The following SDK1 variants were observed in gnomAD, a reference collection of about 807,000 sequenced individuals.
SDK1 encodes the protein sidekick cell adhesion molecule 1.
SDK1 carries 157 observed loss-of-function variants against 245.5 expected under a neutral mutation model. That is an observed-to-expected ratio of 0.64 (90% confidence interval 0.56 to 0.73). The LOEUF (loss-of-function observed/expected upper bound fraction) is 0.73, where lower values mean the gene tolerates loss of function less well. SDK1 is among the 30% of genes least tolerant of loss of function. SDK1 has a pLI of 0.00. For synonymous variants in SDK1, 1,647 were observed against 1,278.5 expected (o/e 1.29, Z -6.15); for missense variants, 3,583 against 3,002.3 (o/e 1.19, Z -4.52).
chr7:3,939,401 C>G (rs6462476), intron 5 of SDK1, among the ~76,000 whole-genome samples: 57,703 of 152,138 alleles, frequency 0.38, 12,314 homozygotes, highest in African/African-American at 0.59. Flanking sequence ...GGGGCTGGGC[C>G]AGTACAGATT....
intron 1 of SDK1, among the ~76,000 whole-genome samples, chr7:3,304,332 T>G (rs1779360854): frequency 6.6e-6 from 1 of 152,200 alleles, no homozygotes; most frequent in African/African-American, 2.4e-5. Flanking sequence ...CTTTATGCCA[T>G]CCACCAAGGA....
At chr7:3,612,918 C>T (rs926386629) in intron 1 of SDK1, among the ~76,000 whole-genome samples, 6 of 152,038 alleles carry the variant, frequency 3.9e-5, no homozygotes, top group Admixed American at 1.3e-4. Context: ...CCCCCACCCC[C>T]CTTGTTTGTG....
intron 1 of SDK1, among the ~76,000 whole-genome samples, chr7:3,531,462 TGG>T (rs1783341122): frequency 6.6e-6 from 1 of 152,236 alleles, no homozygotes; most frequent in Non-Finnish European, 1.5e-5. Flanking sequence ...CCATGTCCTT[TGG>T]ACTTTTTCAC....
intron 14 of SDK1, among the ~76,000 whole-genome samples, chr7:4,006,188 T>G (rs1785475382): frequency 6.6e-6 from 1 of 152,230 alleles, no homozygotes; most frequent in African/African-American, 2.4e-5. Flanking sequence ...TTTCAAAGAT[T>G]GGAAACCACC....
intron 1 of SDK1, among the ~76,000 whole-genome samples, chr7:3,539,377 T>C (rs911478191): frequency 6.6e-6 from 1 of 152,192 alleles, no homozygotes; most frequent in African/African-American, 2.4e-5. Flanking sequence ...AAAACAATTA[T>C]TAGCAAGTTT....
intron 1 of SDK1, among the ~76,000 whole-genome samples, chr7:3,349,195 A>AAAC (rs747641367): frequency 2.9e-4 from 44 of 151,432 alleles, no homozygotes; most frequent in African/African-American, 9.5e-4. Flanking sequence ...GTTTAAAAAA[A>AAAC]AACAACAAAA....
Position 3,750,119 on chromosome 7 carries a change from ATGTT to A in SDK1, c.714-71328_714-71325del, listed in dbSNP as rs1220759995. On this transcript the variant is annotated intron_variant, in intron 4 of 44. Coordinates refer to ENST00000404826, the MANE Select transcript of SDK1 (RefSeq NM_152744.4). ...ATTGGCAAAAAATGTTTCACTCTGA[ATGTT>A]TGGTTATTTTGACTGGTTCAATTAA... Among the ~76,000 whole-genome samples the A allele has an allele frequency of 5.3e-5, 8 of 152,208 alleles. No individual in the cohort carries two copies. The East Asian group carries it at 5.8e-4, about 11-fold the overall frequency.
In SDK1 at chr7:3,455,224, T is replaced by C. The variant is rs550298379; in HGVS notation, c.298+153340T>C. On this transcript the variant is annotated intron_variant, in intron 1 of 44. Coordinates refer to ENST00000404826, the MANE Select transcript of SDK1 (RefSeq NM_152744.4). ...ATATGTGGGTTGCAGATATTTTCTCTCAGTCTGTAGCTTGTCTCTTCATCA... is the reference window on the plus strand; with the variant it reads ...ATATGTGGGTTGCAGATATTTTCTCCCAGTCTGTAGCTTGTCTCTTCATCA... Among the ~76,000 whole-genome samples, 13 of 152,198 alleles carry C rather than the reference T, an allele frequency of 8.5e-5. No individual in the cohort carries two copies. In the South Asian group the frequency reaches 2.7e-3, roughly 32 times the overall value.
intron 5 of SDK1, among the ~76,000 whole-genome samples, chr7:3,826,204 A>G (rs1779770526): frequency 6.6e-6 from 1 of 152,174 alleles, no homozygotes; most frequent in South Asian, 2.1e-4. Context: ...AGCCTTGAGC[A>G]TTTACTCCTT....
intron 1 of SDK1, among the ~76,000 whole-genome samples, chr7:3,613,321 T>A (rs1781664586): frequency 6.6e-6 from 1 of 152,170 alleles, no homozygotes; most frequent in South Asian, 2.1e-4. Context: ...AGCAGAAGAT[T>A]ATTCTCACAT....
chr7:4,078,639 TC>T (rs1213461034), intron 21 of SDK1, among the ~76,000 whole-genome samples: 1 of 152,296 alleles, frequency 6.6e-6, no homozygotes, highest in African/African-American at 2.4e-5. Context: ...CCCCATTTTA[TC>T]CCCTTATCTT....
chr7:3,743,122 C>T (rs566870714), intron 4 of SDK1, among the ~76,000 whole-genome samples: 2 of 152,026 alleles, frequency 1.3e-5, no homozygotes, highest in Non-Finnish European at 2.9e-5. Context: ...GCCTTGGGTG[C>T]CTTGAATGGG....
intron 1 of SDK1, among the ~76,000 whole-genome samples, chr7:3,305,006 C>T (rs1779380602): frequency 6.6e-6 from 1 of 152,174 alleles, no homozygotes; most frequent in African/African-American, 2.4e-5. Flanking sequence ...GGCCACATGG[C>T]TTGATTTCCC....
At chr7:4,058,262 A>C (rs1779320102) in intron 19 of SDK1, among the ~76,000 whole-genome samples, 1 of 152,158 alleles carries the variant, frequency 6.6e-6, no homozygotes, top group South Asian at 2.1e-4. Flanking sequence ...CTGAAATTTA[A>C]AAATACAATA....
chr7:4,095,433 C>T (rs1782087618), intron 22 of SDK1, among the ~76,000 whole-genome samples: 1 of 152,214 alleles, frequency 6.6e-6, no homozygotes, highest in Admixed American at 6.6e-5. Flanking sequence ...AACTCAGGGA[C>T]ATATGGTAAG....
intron 1 of SDK1, among the ~76,000 whole-genome samples, chr7:3,462,255 C>G (rs1313419354): frequency 1.3e-5 from 2 of 152,156 alleles, no homozygotes; most frequent in Non-Finnish European, 2.9e-5. Flanking sequence ...TTTTGAAATA[C>G]CTGTAACAAG....
Position 3,663,172 on chromosome 7 carries a change from C to T in SDK1, c.713+21067C>T, listed in dbSNP as rs114781951. Among the ~76,000 whole-genome samples, 244 of 152,256 alleles carry T rather than the reference C, an allele frequency of 1.6e-3. 1 individual carries two copies. Among genetic ancestry groups the T allele is most frequent in the African/African-American group, 5.8e-3 (240 of 41,552 alleles). Reference sequence around the variant, plus strand: ...AGAAAAATTGTTGAAACATCTGTTACAGTGGCAAAAGGCTCTGACTCTTGT... The same window carrying T: ...AGAAAAATTGTTGAAACATCTGTTATAGTGGCAAAAGGCTCTGACTCTTGT... On this transcript the variant is annotated intron_variant, in intron 4 of 44. Transcript: ENST00000404826.
rs557338475 is a variant in SDK1 at position 3,560,554 on chromosome 7, C to T, written c.299-58526C>T. Among the ~76,000 whole-genome samples, 11 of 152,290 alleles carry T rather than the reference C, an allele frequency of 7.2e-5. No homozygotes were observed. The East Asian group carries it at 1.9e-3, about 27-fold the overall frequency. On this transcript the variant is annotated intron_variant, in intron 1 of 44. Transcript: ENST00000404826. ...ACCAATCTGCCGCCATTGTCTCTTA[C>T]CTGGATTCCTGCACTGGGTTTTTAG...
intron 4 of SDK1, among the ~76,000 whole-genome samples, chr7:3,749,127 A>G (rs1779704883): frequency 6.6e-6 from 1 of 152,156 alleles, no homozygotes; most frequent in South Asian, 2.1e-4. Context: ...AAGGTTAAGG[A>G]GAACATCACC....
Sources: allele counts gnomAD v4.1 joint callset (sites outside exome capture counted in the v4.1 genomes callset), GRCh38; gene constraint gnomAD v4.1.1; transcripts MANE v1.5; gene names NCBI Gene and HGNC (gene_info 2026-07-23, HGNC 2026-07-21).